The following GOLIM4 variants were observed in gnomAD, a reference collection of about 807,000 sequenced individuals.
GOLIM4 encodes the protein 130 kDa golgi-localized phosphoprotein.
GOLIM4 carries 71 observed loss-of-function variants against 107.4 expected under a neutral mutation model. That is an observed-to-expected ratio of 0.66 (90% CI 0.55 to 0.81). GOLIM4 has a LOEUF of 0.81. Ranked by LOEUF, GOLIM4 falls within the 30% of genes least tolerant of loss-of-function variation. The probability of loss-of-function intolerance (pLI) is 0.00; values close to 1 mark genes in which losing one functional copy is unlikely to be tolerated. For synonymous variants in GOLIM4, 327 were observed against 294.8 expected (o/e 1.11, Z -1.12); for missense variants, 830 against 826.1 (o/e 1.00, Z -0.06).
intron 1 of GOLIM4, among the ~76,000 whole-genome samples, chr3:168,091,963 T>A (rs1341978161): frequency 6.6e-6 from 1 of 152,192 alleles, no homozygotes; most frequent in Non-Finnish European, 1.5e-5. Context: ...AGATTTTTTA[T>A]AGAGGTGTGG....
intron 14 of GOLIM4, among the ~76,000 whole-genome samples, chr3:168,018,983 CA>C (rs201919414): frequency 1.6e-3 from 189 of 120,704 alleles, no homozygotes; most frequent in Middle Eastern, 4.3e-3. Context: ...CTATGTAGCA[CA>C]AAAAAAAAAA....
rs2108246619 is a variant in GOLIM4 at position 168,043,468 on chromosome 3, C to T, written c.428G>A (p.Gly143Glu). The change falls in exon 5 of 16, where the codon GGG becomes GAG. Residue 143 changes from glycine to glutamate, a missense_variant. Physicochemically the swap from Gly to Glu is moderately conservative, Grantham distance 98. Transcript: ENST00000470487. Reference protein sequence around the residue: ...SDLEEEHRKQGEDFSRTFNDH... With the variant: ...SDLEEEHRKQEEDFSRTFNDH... ...ATTAAATGTTCTACTGAAGTCTTCC[C>T]CTTGTTTGCGATGTTCCTCTTCCAA... The T allele has an allele frequency of 6.2e-7, 1 of 1,613,392 alleles. No individual in the cohort carries two copies.
At chr3:168,035,850 GAA>G (rs199624045) in intron 8 of GOLIM4, among the ~76,000 whole-genome samples, 1 of 136,854 alleles carries the variant, frequency 7.3e-6, no homozygotes, top group Admixed American at 7.3e-5. Flanking sequence ...CAGATGATTG[GAA>G]AAAAAAAAAA....
intron 1 of GOLIM4, 76 bp downstream of exon 1, chr3:168,095,023 C>A: frequency 8.3e-7 from 1 of 1,209,544 alleles, no homozygotes; most frequent in South Asian, 1.4e-5. Flanking sequence ...AATAGCTCAC[C>A]AAAGCCACTT....
chr3:168,091,686 G>A (rs1721926435), intron 1 of GOLIM4, among the ~76,000 whole-genome samples: 1 of 152,158 alleles, frequency 6.6e-6, no homozygotes, highest in South Asian at 2.1e-4. Context: ...AACTTTTAAC[G>A]AGCAGTACCT....
At chr3:168,086,460 G>A (rs1414593217) in intron 1 of GOLIM4, among the ~76,000 whole-genome samples, 1 of 152,120 alleles carries the variant, frequency 6.6e-6, no homozygotes, top group Non-Finnish European at 1.5e-5. Flanking sequence ...CATTTTAAAT[G>A]AGATGTGAAC....
In GOLIM4 at chr3:168,057,440, T is replaced by G. The variant is rs568457314; in HGVS notation, c.188-9075A>C. ...GGTTTAACTGACTCACAGTTCCGCA[T>G]GGCTAGGGAGGCCTCAGGAAATTTA... On this transcript the variant is annotated intron_variant, in intron 1 of 15. Coordinates refer to ENST00000470487, the MANE Select transcript of GOLIM4 (RefSeq NM_014498.5). 2.0e-5 allele frequency among the ~76,000 whole-genome samples: 3 copies of G among 152,300 alleles called. No individual in the cohort carries two copies. In the East Asian group the frequency reaches 5.8e-4, roughly 29 times the overall value.
chr3:168,066,715 T>C (rs1720566150), intron 1 of GOLIM4, among the ~76,000 whole-genome samples: 1 of 152,188 alleles, frequency 6.6e-6, no homozygotes, highest in South Asian at 2.1e-4. Context: ...ATGTACTTTG[T>C]CGGTGAACAA....
intron 14 of GOLIM4, among the ~76,000 whole-genome samples, chr3:168,017,006 A>C (rs1717407524): frequency 6.6e-6 from 1 of 151,420 alleles, no homozygotes; most frequent in African/African-American, 2.5e-5. Context: ...ACTAACCTGC[A>C]CAATGTGCAC....
intron 8 of GOLIM4, among the ~76,000 whole-genome samples, chr3:168,033,234 A>G (rs1161016115): frequency 6.6e-6 from 1 of 152,204 alleles, no homozygotes; most frequent in East Asian, 1.9e-4. Context: ...GTTTTCAGTA[A>G]TTATTTGAAA....
At chr3:168,078,467 C>G (rs1323666776) in intron 1 of GOLIM4, among the ~76,000 whole-genome samples, 1 of 152,064 alleles carries the variant, frequency 6.6e-6, no homozygotes, top group Non-Finnish European at 1.5e-5. Context: ...AATTCTTATT[C>G]TCATCACTGT....
rs1719133433 is a variant in GOLIM4, at chr3:168,043,448, A to G, written c.448T>C (p.Phe150Leu). Residue 150 changes from phenylalanine (F) to leucine (L), a missense_variant, in exon 5 of 16, where the codon TTT (phenylalanine) becomes CTT (leucine). By Grantham distance (22) the Phe-to-Leu change is conservative. Transcript: ENST00000470487. ...AAGTATTTTTGCTTATGGTCATTAA[A>G]TGTTCTACTGAAGTCTTCCCCTTGT... ...RKQGEDFSRT[F>L]NDHKQKYLQL... The G allele has an allele frequency of 1.2e-6, 2 of 1,613,076 alleles. No individual in the cohort carries two copies. Among genetic ancestry groups the G allele is most frequent in the South Asian group, 1.1e-5 (1 of 90,950 alleles).
In GOLIM4 at chr3:168,024,917, C is replaced by T. The variant is rs1159108474; in HGVS notation, c.1791+11G>A. 1.2e-6 allele frequency: 2 copies of T among 1,609,522 alleles called. No individual in the cohort carries two copies. The highest frequency in any genetic ancestry group is 2.2e-5 in the East Asian group (1 of 44,854). ...CAGTTAAATCCACCCTTCCTCGTGGCATCTGCTTACCACCAAATGTTCCTC... is the reference window on the plus strand; with the variant it reads ...CAGTTAAATCCACCCTTCCTCGTGGTATCTGCTTACCACCAAATGTTCCTC... On this transcript the variant is annotated intron_variant, in intron 13 of 15. Transcript: ENST00000470487.
At chr3:168,073,532 T>C (rs779573958) in intron 1 of GOLIM4, among the ~76,000 whole-genome samples, 1 of 152,224 alleles carries the variant, frequency 6.6e-6, no homozygotes, top group Admixed American at 6.5e-5. Context: ...ATAGTGGGCA[T>C]GGACATGAAA....
intron 9 of GOLIM4, among the ~76,000 whole-genome samples, chr3:168,030,510 C>CAA (rs11411251): frequency 6.2e-4 from 64 of 102,402 alleles, no homozygotes; most frequent in Non-Finnish European, 9.0e-4. Flanking sequence ...TAAGCATAGC[C>CAA]AAAAAAAAAA....
At chr3:168,033,053 A>G (rs1718427553) in intron 8 of GOLIM4, among the ~76,000 whole-genome samples, 1 of 152,182 alleles carries the variant, frequency 6.6e-6, no homozygotes, top group South Asian at 2.1e-4. Flanking sequence ...GACATAATAT[A>G]AGCAAAACTT....
intron 1 of GOLIM4, among the ~76,000 whole-genome samples, chr3:168,065,345 A>T (rs1229902405): frequency 6.6e-6 from 1 of 152,228 alleles, no homozygotes; most frequent in Non-Finnish European, 1.5e-5. Flanking sequence ...CAATGCTAAG[A>T]AAGGTTCTGA....
intron 1 of GOLIM4, among the ~76,000 whole-genome samples, chr3:168,078,576 T>G (rs558221986): frequency 6.6e-6 from 1 of 152,188 alleles, no homozygotes; most frequent in African/African-American, 2.4e-5. Flanking sequence ...TTACATTAAC[T>G]CTGTAATATT....
In GOLIM4 at chr3:168,060,100, GT is replaced by G. The variant is rs111922454; in HGVS notation, c.188-11736del. ...TGGAGAAATTGGGAACCATTAGAGA[GT>G]TTTTTTTTTTTTTCTTAGAGATGGG... On this transcript the variant is annotated intron_variant, in intron 1 of 15. Transcript: ENST00000470487. Among the ~76,000 whole-genome samples the G allele has an allele frequency of 1.9e-3, 284 of 145,704 alleles. 1 individual carries two copies. The Middle Eastern group carries it at 0.022, about 11-fold the overall frequency.
Sources: gnomAD v4.1 joint callset for allele counts (sites outside exome capture counted in the v4.1 genomes callset) on GRCh38, gnomAD v4.1.1 for gene constraint, MANE v1.5 for transcripts, NCBI Gene and HGNC (gene_info 2026-07-23, HGNC 2026-07-21) for gene names.